The following LONRF3 variants were observed in gnomAD, a reference collection of about 807,000 sequenced individuals.
LONRF3 encodes LON peptidase N-terminal domain and ring finger 3.
LONRF3 carries 19 observed loss-of-function variants against 51.7 expected under a neutral mutation model. The ratio of observed to expected loss-of-function variants is 0.37; its 90% CI spans 0.26 to 0.54. The LOEUF is 0.54. Ranked by LOEUF, LONRF3 falls within the 20% of genes least tolerant of loss-of-function variation. The probability of loss-of-function intolerance (pLI) is 0.86; values close to 1 mark genes in which losing one functional copy is unlikely to be tolerated. For synonymous variants in LONRF3, 265 were observed against 257.8 expected (o/e 1.03, Z -0.27); for missense variants, 521 against 623.9 (o/e 0.84, Z 1.76).
At chrX:119,014,427 G>A in intron 10 of LONRF3, 71 bp downstream of exon 10, 5 of 979,371 alleles carry the variant, frequency 5.1e-6, no homozygotes, top group Admixed American at 2.5e-5. Flanking sequence ...GTGATTAGAT[G>A]GGTATGTGGC....
rs1311162686 is a variant in LONRF3, at chrX:118,989,822, G to T, written c.1324+150G>T. The T allele has an allele frequency of 5.5e-6, 3 of 550,033 alleles. No homozygotes were observed. In the East Asian group the frequency reaches 1.1e-4, roughly 20 times the overall value. 45.3% of individuals were successfully genotyped at this position (550,033 alleles called of 1,213,427 possible). A position where few individuals can be genotyped will look rare whatever the true frequency, so the allele number is the denominator to read the frequency against. ...TACTAGCTGTGTGACCTCAGAGATT[G>T]CTATGAGGCTTCTGTGAGATCATGT... On this transcript the variant is annotated intron_variant, in intron 4 of 10. Transcript: ENST00000371628.
At chrX:118,978,998 C>CTTTTTTTTTTTTT (rs36016675) in intron 2 of LONRF3, among the ~76,000 whole-genome samples, 2 of 56,119 alleles carry the variant, frequency 3.6e-5, no homozygotes, top group Non-Finnish European at 3.0e-5. Context: ...TGTTTTCTTT[C>CTTTTTTTTTTTTT]TTTTTTTTTT....
chrX:118,990,012 T>C (rs1415868143), intron 4 of LONRF3, among the ~76,000 whole-genome samples: 1 of 112,355 alleles, frequency 8.9e-6, no homozygotes, highest in African/African-American at 3.2e-5. Flanking sequence ...ATTCTAGGAA[T>C]GCAGGATGAG....
intron 5 of LONRF3, among the ~76,000 whole-genome samples, chrX:118,993,435 T>G (rs138678044): frequency 0.037 from 4,131 of 111,210 alleles, 211 homozygotes; most frequent in African/African-American, 0.13. Flanking sequence ...ATTCAGAGCT[T>G]GAAGACAAGG....
chrX:118,986,884 G>T, intron 3 of LONRF3: 2 of 1,133,426 alleles, frequency 1.8e-6, no homozygotes, highest in Non-Finnish European at 2.3e-6. Context: ...CTGGGCACCT[G>T]TAGAAACTTA....
intron 1 of LONRF3, chrX:118,976,782 G>A (rs1213621717): frequency 8.8e-6 from 1 of 113,487 alleles, no homozygotes; most frequent in Admixed American, 9.2e-5. Context: ...CAGGAGCTCG[G>A]CCGTGGGGCG....
At chrX:118,986,492 C>G (rs1339689149) in intron 3 of LONRF3, among the ~76,000 whole-genome samples, 1 of 111,981 alleles carries the variant, frequency 8.9e-6, no homozygotes, top group Non-Finnish European at 1.9e-5. Context: ...GTATTATGAA[C>G]TTCAAATTCC....
rs766616247 is a variant in LONRF3 at position 119,012,854 on chromosome X, A to G, written c.1812-185A>G. The G allele has an allele frequency of 3.9e-5, 45 of 1,158,859 alleles. No individual in the cohort carries two copies. The Admixed American group carries it at 8.9e-4, about 23-fold the overall frequency. On this transcript the variant is annotated intron_variant, in intron 8 of 10. Transcript: ENST00000371628. ...TAAATGGTAGCAGTTACACGAATAC[A>G]TTACGAATTTTTTTTCTTCACACAG...
In LONRF3 at chrX:118,975,458, C is replaced by T. The variant is rs1326800902; in HGVS notation, c.678C>T (p.Asn226=). 9 of 1,193,753 alleles carry T rather than the reference C, an allele frequency of 7.5e-6. No homozygotes were observed. Among genetic ancestry groups the T allele is most frequent in the Non-Finnish European group, 1.0e-5 (9 of 887,163 alleles). The change falls in exon 1 of 11, where the codon AAC becomes AAT. Residue 226 remains asparagine (N), a synonymous_variant. Coordinates refer to ENST00000371628, the MANE Select transcript of LONRF3 (RefSeq NM_001031855.3). ...AGCCGCCGCCGCCGCTGCGAGTCAA[C>T]GTGGTGCTCAGCGGCCTCCTCGGCA... The part of the protein sequence containing the change: ...GQQPPPPLRV[N]VVLSGLLGKL...
In LONRF3 at chrX:119,017,613, C is replaced by G; in HGVS notation, c.2203C>G (p.Leu735Val). 8.3e-7 allele frequency: 1 copy of G among 1,211,111 alleles called. No homozygotes were observed. The highest frequency in any genetic ancestry group is 1.1e-6 in the Non-Finnish European group (1 of 895,097). ...PLESRAQLPFLAMRSLKDRLN... is the reference protein window; with the variant it reads ...PLESRAQLPFVAMRSLKDRLN... ...GGAAAGCCGAGCTCAGCTCCCCTTC[C>G]TAGCAATGAGGTCCTTAAAGGACAG... The change falls in exon 11 of 11, where the codon CTA (leucine) becomes GTA (valine). Residue 735 changes from leucine to valine, a missense_variant. Physicochemically the swap from Leu to Val is conservative, Grantham distance 32. Coordinates refer to ENST00000371628, the MANE Select transcript of LONRF3 (RefSeq NM_001031855.3).
intron 9 of LONRF3, 42 bp from the exon 10 acceptor site, chrX:119,014,165 G>A: frequency 8.6e-7 from 1 of 1,168,378 alleles, no homozygotes; most frequent in East Asian, 3.0e-5. Flanking sequence ...GGGAATGATG[G>A]AGAGGGTACA....
chrX:118,986,809 G>C, intron 3 of LONRF3: 1 of 622,280 alleles, frequency 1.6e-6, no homozygotes, highest in South Asian at 2.9e-5. Flanking sequence ...CTGGTCCAAG[G>C]CTTCCTCCCT....
intron 5 of LONRF3, among the ~76,000 whole-genome samples, chrX:119,004,122 A>AT (rs958048433): frequency 9.2e-6 from 1 of 109,253 alleles, no homozygotes; most frequent in Non-Finnish European, 1.9e-5. Context: ...TCCAGTTCTC[A>AT]TTTTTTTTCT....
intron 5 of LONRF3, among the ~76,000 whole-genome samples, chrX:118,995,120 C>CTAAGTTTAAGAGTACT (rs1923777116): frequency 1.8e-5 from 2 of 112,061 alleles, no homozygotes; most frequent in African/African-American, 6.5e-5. Context: ...TTTAAGAGAA[C>CTAAGTTTAAGAGTACT]TGAAATTATA....
Position 118,998,642 on chromosome X carries a change from T to C in LONRF3, c.1416-7479T>C, listed in dbSNP as rs182537969. 1.3e-3 allele frequency among the ~76,000 whole-genome samples: 141 copies of C among 112,294 alleles called. 1 individual carries two copies. Among genetic ancestry groups the C allele is most frequent in the African/African-American group, 4.4e-3 (136 of 30,960 alleles). Reference sequence around the variant, plus strand: ...AAATTAAAAACAGAAATTAAGAAGATTGACCCAAGAGAAAATATAACAAAA... The same window carrying C: ...AAATTAAAAACAGAAATTAAGAAGACTGACCCAAGAGAAAATATAACAAAA... On this transcript the variant is annotated intron_variant, in intron 5 of 10. Transcript: ENST00000371628.
intron 5 of LONRF3, among the ~76,000 whole-genome samples, chrX:119,005,373 G>A (rs1028209956): frequency 9.0e-6 from 1 of 111,615 alleles, no homozygotes; most frequent in Non-Finnish European, 1.9e-5. Context: ...ACATTGCTTT[G>A]AAAATATCCT....
At chrX:118,996,651 G>A (rs756131060) in intron 5 of LONRF3, among the ~76,000 whole-genome samples, 38 of 111,127 alleles carry the variant, frequency 3.4e-4, no homozygotes, top group Non-Finnish European at 6.2e-4. Flanking sequence ...GGCCAGGTGC[G>A]GTGGCTCATG....
At position 118,975,086 on chromosome X, in the gene LONRF3, G is replaced by A; in HGVS notation, c.306G>A (p.Glu102=). ...QLSERQQLVA[E]QLEQLVRCLA... is the part of the protein sequence containing the mutation. ...CCGAGCGGCAGCAGCTGGTGGCTGA[G>A]CAGCTGGAGCAGCTGGTGCGCTGCC... is the stretch of plus-strand genomic sequence containing the variant. Residue 102 remains glutamate (E), a synonymous_variant, in exon 1 of 11, where the codon GAG becomes GAA. Coordinates refer to ENST00000371628, the MANE Select transcript of LONRF3 (RefSeq NM_001031855.3). The A allele has an allele frequency of 1.7e-6, 2 of 1,171,309 alleles. No individual in the cohort carries two copies. Among genetic ancestry groups the A allele is most frequent in the Non-Finnish European group, 1.1e-6 (1 of 875,814 alleles).
At chrX:118,990,773 C>T (rs751772758) in intron 5 of LONRF3, among the ~76,000 whole-genome samples, 1 of 112,118 alleles carries the variant, frequency 8.9e-6, no homozygotes, top group East Asian at 2.8e-4. Context: ...CTTGGAAAAA[C>T]CTGGAGAGTG....
Sources: gnomAD v4.1 joint callset for allele counts (sites outside exome capture counted in the v4.1 genomes callset) on GRCh38, gnomAD v4.1.1 for gene constraint, MANE v1.5 for transcripts, NCBI Gene and HGNC (gene_info 2026-07-23, HGNC 2026-07-21) for gene names.